GCFC2: variants seen among roughly 807,000 people sequenced by gnomAD.
The protein encoded by GCFC2 is intron Large complex component GCFC2.
Under a neutral mutation model 99.4 loss-of-function variants are expected in GCFC2, and 102 were observed. That is an observed-to-expected ratio of 1.03 (90% CI 0.87 to 1.21). GCFC2 has a LOEUF of 1.21. GCFC2 is among the 50% of genes most tolerant of loss of function. The probability of loss-of-function intolerance (pLI) is 0.00; values close to 1 mark genes in which losing one functional copy is unlikely to be tolerated. For missense variants in GCFC2, 973 were observed against 920.9 expected (o/e 1.06, Z -0.73); for synonymous variants, 338 against 316.8 (o/e 1.07, Z -0.71).
chr2:75,664,173 T>C lies in GCFC2; in HGVS notation c.*493A>G, dbSNP rs1678727279. 1 of 152,290 alleles carries C rather than the reference T, an allele frequency of 6.6e-6. No homozygotes were observed. The highest frequency in any genetic ancestry group is 2.4e-5 in the African/African-American group (1 of 41,480). The allele number at this position is 152,290 out of a possible 1,614,324, so 9.4% of individuals were successfully genotyped here. On this transcript the variant is annotated 3_prime_UTR_variant, in exon 17 of 17. Transcript: ENST00000321027. ...TGCTTATGTTGGTACATTAAATTGGTACAGATTTCTGAAGGATAATTTGAC... is the reference window on the plus strand; with the variant it reads ...TGCTTATGTTGGTACATTAAATTGGCACAGATTTCTGAAGGATAATTTGAC...
In GCFC2 at chr2:75,690,862, T is replaced by C. The variant is rs1680036485; in HGVS notation, c.1145-143A>G. ...TATGCTTAAATTTTGCAATTAATTA[T>C]GCAATGACATTTCAATGTTAACTCT... On this transcript the variant is annotated intron_variant, in intron 7 of 16. Transcript: ENST00000321027. 2.0e-5 allele frequency: 11 copies of C among 552,644 alleles called. No individual in the cohort carries two copies. In the South Asian group the frequency reaches 2.3e-4, roughly 12 times the overall value. 34.2% of individuals were successfully genotyped at this position (552,644 alleles called of 1,614,324 possible). A position where few individuals can be genotyped will look rare whatever the true frequency, so the allele number is the denominator to read the frequency against.
At chr2:75,679,187 T>C (rs1328048955) in intron 12 of GCFC2, among the ~76,000 whole-genome samples, 3 of 152,244 alleles carry the variant, frequency 2.0e-5, no homozygotes, top group Non-Finnish European at 4.4e-5. Flanking sequence ...GAAGGCAGAA[T>C]TAGGCTGGTA....
At chr2:75,678,075 T>C (rs1679427718) in intron 12 of GCFC2, among the ~76,000 whole-genome samples, 1 of 152,114 alleles carries the variant, frequency 6.6e-6, no homozygotes, top group Non-Finnish European at 1.5e-5. Context: ...TTCAAGTATT[T>C]CAAAAATGAC....
intron 16 of GCFC2, among the ~76,000 whole-genome samples, chr2:75,665,450 G>A (rs188670041): frequency 1.3e-3 from 195 of 152,136 alleles, no homozygotes; most frequent in African/African-American, 4.4e-3. Context: ...CACCATGCCC[G>A]GCCAAATCTG....
intron 15 of GCFC2, 80 bp from the exon 16 acceptor site, chr2:75,666,133 T>A: frequency 1.0e-6 from 1 of 979,468 alleles, no homozygotes; most frequent in Non-Finnish European, 1.5e-6. Context: ...AGTGATACTG[T>A]AAGCTGAGTA....
In GCFC2 at chr2:75,690,684, C is replaced by A; in HGVS notation, c.1180G>T (p.Val394Leu). 6.4e-7 allele frequency: 1 copy of A among 1,569,274 alleles called. No individual in the cohort carries two copies. The highest frequency in any genetic ancestry group is 8.7e-7 in the Non-Finnish European group (1 of 1,143,058). The change falls in exon 8 of 17, where the codon GTA becomes TTA. Residue 394 changes from valine (V) to leucine (L), a missense_variant. Transcript: ENST00000321027. ...DETSTSGNFS[V>L]DEKTQWILEE... ...AAAATCCACTGAGTTTTTTCATCTA[C>A]TGAGAAGTTTCCACTTGTGGATGTC... is the stretch of plus-strand genomic sequence containing the variant.
chr2:75,686,827 C>G (rs1171474664), intron 11 of GCFC2, among the ~76,000 whole-genome samples: 1 of 152,190 alleles, frequency 6.6e-6, no homozygotes, highest in East Asian at 1.9e-4. Context: ...TGAAACGGAT[C>G]CTTATCAAGT....
At chr2:75,701,129 TTG>T in intron 4 of GCFC2, 59 bp downstream of exon 4, 2 of 909,076 alleles carry the variant, frequency 2.2e-6, no homozygotes, top group Non-Finnish European at 3.6e-6. Flanking sequence ...GTCACCAAGT[TTG>T]TGGTAATTTG....
chr2:75,687,069 G>C (rs571553953), intron 11 of GCFC2, among the ~76,000 whole-genome samples: 2 of 152,136 alleles, frequency 1.3e-5, no homozygotes, highest in East Asian at 3.9e-4. Context: ...TGAGTAGCTG[G>C]GATTACAGGT....
chr2:75,708,501 C>CT (rs34414596), intron 1 of GCFC2, among the ~76,000 whole-genome samples: 13,985 of 78,702 alleles, frequency 0.18, 3,207 homozygotes, highest in Non-Finnish European at 0.25. Flanking sequence ...CATTTGGCAA[C>CT]TTTTTTTTTT....
In GCFC2 at chr2:75,664,799, A is replaced by G. The variant is rs201902984; in HGVS notation, c.2229-16T>C. On this transcript the variant is annotated splice_polypyrimidine_tract_variant and intron_variant, in intron 16 of 16. Coordinates refer to ENST00000321027, the MANE Select transcript of GCFC2 (RefSeq NM_003203.5). ...GACTTCATCCCTGAAAAACAAAACA[A>G]ATTTCTCCCTTTAAAAATGCAATGT... 1 of 1,195,776 alleles carries G rather than the reference A, an allele frequency of 8.4e-7. No homozygotes were observed. Among genetic ancestry groups the G allele is most frequent in the African/African-American group, 1.5e-5 (1 of 66,792 alleles). The allele number at this position is 1,195,776 out of a possible 1,614,324, so 74.1% of individuals were successfully genotyped here. A position where few individuals can be genotyped will look rare whatever the true frequency, so the allele number is the denominator to read the frequency against.
chr2:75,704,780 G>A (rs750737970), intron 2 of GCFC2, among the ~76,000 whole-genome samples: 4 of 152,184 alleles, frequency 2.6e-5, no homozygotes, highest in South Asian at 2.1e-4. Flanking sequence ...TGCCTCCCAG[G>A]TTCAAGCAAT....
intron 1 of GCFC2, among the ~76,000 whole-genome samples, chr2:75,709,108 A>G (rs1464711419): frequency 2.6e-5 from 4 of 152,216 alleles, no homozygotes; most frequent in African/African-American, 9.6e-5. Context: ...CAAAAATCTT[A>G]CTTATCCTTA....
chr2:75,704,506 T>C (rs1206214493), intron 2 of GCFC2, among the ~76,000 whole-genome samples: 1 of 152,242 alleles, frequency 6.6e-6, no homozygotes, highest in African/African-American at 2.4e-5. Flanking sequence ...TGTTCTGCAC[T>C]CCTGTTAAGA....
intron 15 of GCFC2, among the ~76,000 whole-genome samples, chr2:75,667,246 T>A (rs961889073): frequency 5.9e-5 from 9 of 152,172 alleles, no homozygotes; most frequent in Non-Finnish European, 1.2e-4. Flanking sequence ...AGTAACGGGT[T>A]CTTGGAAACT....
intron 12 of GCFC2, 46 bp from the exon 13 acceptor site, chr2:75,673,566 G>A (rs755729122): frequency 1.2e-6 from 1 of 810,738 alleles, no homozygotes; most frequent in East Asian, 2.5e-5. Context: ...AGATAGAAAT[G>A]TATTTACCAA....
At chr2:75,675,658 C>T (rs537642770) in intron 12 of GCFC2, among the ~76,000 whole-genome samples, 20 of 149,432 alleles carry the variant, frequency 1.3e-4, no homozygotes, top group African/African-American at 4.5e-4. Flanking sequence ...GCACAAGAAT[C>T]GCTTGAACAC....
chr2:75,667,408 A>G (rs1678893083), intron 15 of GCFC2, among the ~76,000 whole-genome samples: 3 of 152,160 alleles, frequency 2.0e-5, no homozygotes, highest in Admixed American at 2.0e-4. Flanking sequence ...AATGCACCCT[A>G]TATATTATAC....
chr2:75,666,736 T>C (rs1490739148), intron 15 of GCFC2, among the ~76,000 whole-genome samples: 1 of 150,076 alleles, frequency 6.7e-6, no homozygotes, highest in African/African-American at 2.4e-5. Context: ...AACTTCCTCA[T>C]AGCAGAAACA....
Sources: allele counts gnomAD v4.1 joint callset (sites outside exome capture counted in the v4.1 genomes callset), GRCh38; gene constraint gnomAD v4.1.1; transcripts MANE v1.5; gene names NCBI Gene and HGNC (gene_info 2026-07-23, HGNC 2026-07-21).